CTIF: variants seen among roughly 807,000 people sequenced by gnomAD.
CTIF encodes CBP80/20-dependent translation initiation factor.
In CTIF, 21 loss-of-function variants were observed where a neutral mutation model predicts 66.0. That is an observed-to-expected ratio of 0.32 (90% CI 0.23 to 0.46). CTIF has a LOEUF of 0.46. Among genes scored for constraint, CTIF ranks in the 20% least tolerant of loss-of-function variants. The pLI is 1.00. For synonymous variants in CTIF, 345 were observed against 326.4 expected (o/e 1.06, Z -0.62); for missense variants, 739 against 812.7 (o/e 0.91, Z 1.10).
chr18:48,675,618 C>T (rs2091615424), intron 6 of CTIF, among the ~76,000 whole-genome samples: 1 of 152,216 alleles, frequency 6.6e-6, no homozygotes, highest in Non-Finnish European at 1.5e-5. Flanking sequence ...TGGCGAGGTG[C>T]AAGAGGCAGC....
intron 9 of CTIF, among the ~76,000 whole-genome samples, 186 bp from the exon 10 acceptor site, chr18:48,817,035 T>C (rs891800971): frequency 2.0e-5 from 3 of 152,154 alleles, no homozygotes; most frequent in Non-Finnish European, 4.4e-5. Flanking sequence ...AGAGGTGTTA[T>C]GGCCCCAGGT....
chr18:48,739,221 T>G (rs1488557776), intron 7 of CTIF, among the ~76,000 whole-genome samples: 4 of 152,170 alleles, frequency 2.6e-5, no homozygotes, highest in African/African-American at 9.7e-5. Context: ...CATAGGAGCC[T>G]TCAGGACAGA....
intron 5 of CTIF, among the ~76,000 whole-genome samples, chr18:48,666,368 G>T (rs1166664875): frequency 6.6e-6 from 1 of 152,182 alleles, no homozygotes. Flanking sequence ...AAAGAAATGG[G>T]CTCATTCCTA....
intron 10 of CTIF, among the ~76,000 whole-genome samples, chr18:48,842,191 C>T (rs753662223): frequency 3.2e-4 from 49 of 152,206 alleles, no homozygotes; most frequent in Non-Finnish European, 5.9e-4. Context: ...AGAGAAACAA[C>T]CAGGGGATGG....
At chr18:48,751,050 CCT>C (rs1418364909) in intron 7 of CTIF, among the ~76,000 whole-genome samples, 3 of 152,154 alleles carry the variant, frequency 2.0e-5, no homozygotes, top group African/African-American at 7.2e-5. Context: ...AACAATAGTT[CCT>C]CTCTTGGGGT....
At chr18:48,583,621 A>C (rs1219768710) in intron 1 of CTIF, among the ~76,000 whole-genome samples, 1 of 152,194 alleles carries the variant, frequency 6.6e-6, no homozygotes, top group African/African-American at 2.4e-5. Flanking sequence ...AGGGCCTGCA[A>C]CATGCCTGTC....
At chr18:48,667,671 A>C (rs1000257792) in intron 5 of CTIF, among the ~76,000 whole-genome samples, 1 of 152,250 alleles carries the variant, frequency 6.6e-6, no homozygotes, top group African/African-American at 2.4e-5. Context: ...TTCTGAAGCC[A>C]GAGTAACCAG....
intron 6 of CTIF, among the ~76,000 whole-genome samples, chr18:48,709,603 G>T (rs927388458): frequency 6.6e-6 from 1 of 152,232 alleles, no homozygotes; most frequent in African/African-American, 2.4e-5. Context: ...CCTGTCCATT[G>T]TCTCCTTGGG....
At chr18:48,621,391 G>A (rs1463216637) in intron 2 of CTIF, 1 of 211,584 alleles carries the variant, frequency 4.7e-6, no homozygotes, top group Non-Finnish European at 9.6e-6. Flanking sequence ...CCAGCCAGGA[G>A]GCCAGGGTGC....
intron 10 of CTIF, among the ~76,000 whole-genome samples, chr18:48,852,917 C>T (rs967103432): frequency 9.2e-5 from 14 of 152,102 alleles, no homozygotes; most frequent in Non-Finnish European, 1.3e-4. Context: ...TGTTTGCAGA[C>T]GCATCGATAA....
chr18:48,821,164 C>G (rs1003131228), intron 10 of CTIF, among the ~76,000 whole-genome samples: 11 of 152,250 alleles, frequency 7.2e-5, no homozygotes, highest in African/African-American at 2.4e-4. Context: ...GTGGCACCCC[C>G]TCAGCACACC....
chr18:48,791,911 G>A (rs1316921352), intron 9 of CTIF, among the ~76,000 whole-genome samples: 2 of 151,850 alleles, frequency 1.3e-5, no homozygotes, highest in African/African-American at 4.8e-5. Context: ...CAAACTTTAG[G>A]CAACTTTGTT....
chr18:48,682,236 A>G (rs1432698740), intron 6 of CTIF, among the ~76,000 whole-genome samples: 1 of 152,032 alleles, frequency 6.6e-6, no homozygotes, highest in Non-Finnish European at 1.5e-5. Flanking sequence ...CCTCCACATC[A>G]CTGGTACACA....
intron 1 of CTIF, among the ~76,000 whole-genome samples, chr18:48,603,538 AATGTGTG>A (rs2090143643): frequency 8.6e-6 from 1 of 115,962 alleles, no homozygotes; most frequent in Non-Finnish European, 1.8e-5. Context: ...TAGATGGATG[AATGTGTG>A]GATGGATGGA....
chr18:48,750,219 C>T (rs1237279091), intron 7 of CTIF, among the ~76,000 whole-genome samples: 4 of 152,216 alleles, frequency 2.6e-5, no homozygotes, highest in African/African-American at 9.6e-5. Context: ...GGGTTGGTCT[C>T]CCCATTCTGC....
intron 10 of CTIF, among the ~76,000 whole-genome samples, chr18:48,828,655 C>G (rs1462739222): frequency 6.6e-6 from 1 of 152,234 alleles, no homozygotes; most frequent in Non-Finnish European, 1.5e-5. Flanking sequence ...ATGGTGATGT[C>G]AAAACTTTTC....
intron 1 of CTIF, among the ~76,000 whole-genome samples, chr18:48,572,110 C>T (rs771745972): frequency 1.3e-5 from 2 of 152,014 alleles, no homozygotes; most frequent in Non-Finnish European, 2.9e-5. Context: ...CCTCCTTCCC[C>T]TCCCTCCTTT....
In CTIF at chr18:48,719,198, A is replaced by AAAGGC; in HGVS notation, c.584+7503_584+7504insAAGGC. Among the ~76,000 whole-genome samples, 3 of 152,264 alleles carry AAAGGC rather than the reference A, an allele frequency of 2.0e-5. No individual in the cohort carries two copies. The South Asian group carries it at 6.2e-4, about 32-fold the overall frequency. On this transcript the variant is annotated intron_variant, in intron 7 of 11. Transcript: ENST00000256413. The stretch of plus-strand genomic sequence containing the variant: ...TTCTGTATCCCAGGCTTTGATGGTC[A>AAAGGC]TCTGTGACTACAGGAGGCCCCACAT...
At chr18:48,806,231 A>T (rs553527715) in intron 9 of CTIF, among the ~76,000 whole-genome samples, 1 of 152,314 alleles carries the variant, frequency 6.6e-6, no homozygotes, top group East Asian at 1.9e-4. Flanking sequence ...AGTATAAAGA[A>T]TTCTGTCAAA....
Sources: allele counts gnomAD v4.1 joint callset (sites outside exome capture counted in the v4.1 genomes callset), GRCh38; gene constraint gnomAD v4.1.1; transcripts MANE v1.5; gene names NCBI Gene and HGNC (gene_info 2026-07-23, HGNC 2026-07-21).